Variants in AKAP6 observed in about 807,000 individuals in gnomAD.
AKAP6 encodes the protein A-kinase anchoring protein 6.
A neutral mutation model predicts 188.5 loss-of-function variants in AKAP6; 58 were observed. The observed-to-expected ratio is 0.31, with a 90% CI of 0.25 to 0.38. The LOEUF (loss-of-function observed/expected upper bound fraction) is 0.38, where lower values mean the gene tolerates loss of function less well. Among genes scored for constraint, AKAP6 ranks in the 10% least tolerant of loss-of-function variants. The pLI is 1.00. For synonymous variants in AKAP6, 989 were observed against 998.6 expected (o/e 0.99, Z 0.18); for missense variants, 2,710 against 2,740.0 (o/e 0.99, Z 0.24).
At chr14:32,548,914 G>GT (rs1001968616) in intron 4 of AKAP6, among the ~76,000 whole-genome samples, 3 of 151,694 alleles carry the variant, frequency 2.0e-5, no homozygotes, top group Non-Finnish European at 2.9e-5. Flanking sequence ...TCTGTTTTTT[G>GT]TTTTTTTTAC....
At chr14:32,598,548 G>A (rs924194304) in intron 5 of AKAP6, among the ~76,000 whole-genome samples, 1 of 152,094 alleles carries the variant, frequency 6.6e-6, no homozygotes, top group African/African-American at 2.4e-5. Flanking sequence ...TGAACAACTT[G>A]TATGTGACAT....
intron 2 of AKAP6, among the ~76,000 whole-genome samples, chr14:32,498,021 G>T (rs1880413388): frequency 6.6e-6 from 1 of 152,056 alleles, no homozygotes; most frequent in Admixed American, 6.6e-5. Context: ...TGTAAAAACT[G>T]TGAAACTAAT....
chr14:32,635,088 A>C (rs1566617502), intron 7 of AKAP6, among the ~76,000 whole-genome samples: 1 of 152,020 alleles, frequency 6.6e-6, no homozygotes, highest in Non-Finnish European at 1.5e-5. Context: ...TCCTAGCTAA[A>C]TAAAGTGTAT....
intron 7 of AKAP6, among the ~76,000 whole-genome samples, chr14:32,638,240 C>T (rs570885454): frequency 5.3e-5 from 8 of 152,120 alleles, no homozygotes; most frequent in African/African-American, 1.7e-4. Flanking sequence ...GAAGGTCTCT[C>T]TCTTTGAGTA....
rs182671382 is a variant in AKAP6, at chr14:32,659,716, A to G, written c.2731-18595A>G. ...AGCATAATGATGGTTTCAGAAAAAT[A>G]GTTTCCATAATTGAAGGGAGCAATA... On this transcript the variant is annotated intron_variant, in intron 7 of 13. Transcript: ENST00000280979. Among the ~76,000 whole-genome samples the G allele has an allele frequency of 1.1e-4, 17 of 152,222 alleles. No individual in the cohort carries two copies. The East Asian group carries it at 2.5e-3, about 22-fold the overall frequency.
chr14:32,592,582 G>A (rs1161141029), intron 5 of AKAP6, among the ~76,000 whole-genome samples: 1 of 152,180 alleles, frequency 6.6e-6, no homozygotes, highest in Non-Finnish European at 1.5e-5. Context: ...CTGTGAAGTT[G>A]CATTAGCTGG....
rs77914438 is a variant in AKAP6, at chr14:32,768,917, C to T, written c.3373-4761C>T. Among the ~76,000 whole-genome samples, 17 of 151,888 alleles carry T rather than the reference C, an allele frequency of 1.1e-4. No homozygotes were observed. The East Asian group carries it at 2.5e-3, about 22-fold the overall frequency. On this transcript the variant is annotated intron_variant, in intron 11 of 13. Transcript: ENST00000280979. ...ATGTGAATACTGCTTGGCGTGGGCACCGTACTCTGAGGACCCTTGTTGTAG... is the reference window on the plus strand; with the variant it reads ...ATGTGAATACTGCTTGGCGTGGGCATCGTACTCTGAGGACCCTTGTTGTAG...
intron 7 of AKAP6, among the ~76,000 whole-genome samples, chr14:32,671,759 A>G (rs912653013): frequency 6.7e-6 from 1 of 148,324 alleles, no homozygotes; most frequent in Non-Finnish European, 1.5e-5. Context: ...AGAACTACGA[A>G]GTCTAGTATG....
intron 7 of AKAP6, among the ~76,000 whole-genome samples, chr14:32,611,299 G>A (rs779760478): frequency 6.6e-6 from 1 of 152,172 alleles, no homozygotes; most frequent in Non-Finnish European, 1.5e-5. Flanking sequence ...TGACCTTGAT[G>A]CACAATTAAT....
At chr14:32,746,675 G>A (rs2031923548) in intron 11 of AKAP6, among the ~76,000 whole-genome samples, 2 of 152,156 alleles carry the variant, frequency 1.3e-5, no homozygotes, top group African/African-American at 2.4e-5. Flanking sequence ...GAACACTGAG[G>A]TGGGGAAAAT....
Position 32,773,668 on chromosome 14 carries a change from T to C in AKAP6, c.3373-10T>C, listed in dbSNP as rs760868637. Reference sequence around the variant, plus strand: ...AAACACTCATAGATTGGTTTCTCTCTATGTTGCAGTCCCTCTGTCGTGAAA... The same window carrying C: ...AAACACTCATAGATTGGTTTCTCTCCATGTTGCAGTCCCTCTGTCGTGAAA... On this transcript the variant is annotated splice_polypyrimidine_tract_variant and intron_variant, in intron 11 of 13. Transcript: ENST00000280979. 7 of 1,612,760 alleles carry C rather than the reference T, an allele frequency of 4.3e-6. No individual in the cohort carries two copies. The highest frequency in any genetic ancestry group is 3.3e-4 in the Middle Eastern group (2 of 6,050).
intron 12 of AKAP6, among the ~76,000 whole-genome samples, chr14:32,791,613 TCTTTA>T (rs1167860512): frequency 1.3e-5 from 2 of 152,212 alleles, no homozygotes; most frequent in Admixed American, 6.5e-5. Context: ...GTGCAGAAGC[TCTTTA>T]CTTTAATTAG....
intron 2 of AKAP6, among the ~76,000 whole-genome samples, chr14:32,483,068 C>G (rs182175740): frequency 6.6e-6 from 1 of 151,396 alleles, no homozygotes; most frequent in East Asian, 1.9e-4. Context: ...TGTAATCTTA[C>G]ACTAATTTAC....
At position 32,773,657 on chromosome 14, in the gene AKAP6, T is replaced by A. The variant is rs2273163; in HGVS notation, c.3373-21T>A. 6 of 1,606,868 alleles carry A rather than the reference T, an allele frequency of 3.7e-6. No homozygotes were observed. In the Admixed American group the frequency reaches 5.1e-5, roughly 14 times the overall value. On this transcript the variant is annotated intron_variant, in intron 11 of 13. Coordinates refer to ENST00000280979, the MANE Select transcript of AKAP6 (RefSeq NM_004274.5). ...CTCTGCCCTATAAACACTCATAGAT[T>A]GGTTTCTCTCTATGTTGCAGTCCCT...
At chr14:32,607,051 T>C (rs192826307) in intron 7 of AKAP6, among the ~76,000 whole-genome samples, 14 of 152,306 alleles carry the variant, frequency 9.2e-5, no homozygotes, top group African/African-American at 2.9e-4. Context: ...CCAGTATCTA[T>C]GCTAATGAAT....
intron 5 of AKAP6, among the ~76,000 whole-genome samples, chr14:32,586,457 G>A (rs577365877): frequency 3.2e-4 from 49 of 152,142 alleles, no homozygotes; most frequent in African/African-American, 9.9e-4. Flanking sequence ...GTGAAACCTC[G>A]TCTCTACAAA....
intron 9 of AKAP6, among the ~76,000 whole-genome samples, chr14:32,703,990 G>A (rs545618486): frequency 3.3e-5 from 5 of 152,232 alleles, no homozygotes; most frequent in African/African-American, 7.2e-5. Flanking sequence ...CTTGGCCAAC[G>A]GGAATCATTT....
chr14:32,804,179 C>T (rs1473345429), intron 12 of AKAP6, among the ~76,000 whole-genome samples: 1 of 152,182 alleles, frequency 6.6e-6, no homozygotes, highest in Non-Finnish European at 1.5e-5. Context: ...CTTATCTGTG[C>T]CACTTACCTA....
intron 7 of AKAP6, among the ~76,000 whole-genome samples, chr14:32,608,125 T>C (rs1434350863): frequency 6.6e-6 from 1 of 152,146 alleles, no homozygotes; most frequent in Non-Finnish European, 1.5e-5. Context: ...TCTGCCACTC[T>C]CTTGAGATGA....
Sources: allele counts gnomAD v4.1 joint callset (sites outside exome capture counted in the v4.1 genomes callset), GRCh38; gene constraint gnomAD v4.1.1; transcripts MANE v1.5; gene names NCBI Gene and HGNC (gene_info 2026-07-23, HGNC 2026-07-21).